MBNL2: variants seen among roughly 807,000 people sequenced by gnomAD.
MBNL2 encodes the protein muscleblind like splicing regulator 2, also known as muscleblind-like protein 2.
In MBNL2, 17 loss-of-function variants were observed where a neutral mutation model predicts 41.9. The observed-to-expected ratio is 0.41, with a 90% CI of 0.28 to 0.61. The LOEUF (loss-of-function observed/expected upper bound fraction) is 0.61. Among genes scored for constraint, MBNL2 ranks in the 20% least tolerant of loss-of-function variants. MBNL2 has a pLI of 0.35. For missense variants in MBNL2, 336 were observed against 505.6 expected (o/e 0.66, Z 3.22); for synonymous variants, 195 against 182.9 (o/e 1.07, Z -0.53).
At chr13:97,167,429 A>C in the MBNL2 span, among the ~76,000 whole-genome samples, 1 of 152,110 alleles carries the variant, frequency 6.6e-6, no homozygotes, top group South Asian at 2.1e-4. Flanking sequence ...AATAAATGAA[A>C]ACCAGAAAGT....
At chr13:97,190,424 C>G in the MBNL2 span, among the ~76,000 whole-genome samples, 3 of 152,228 alleles carry the variant, frequency 2.0e-5, no homozygotes, top group East Asian at 5.8e-4. Flanking sequence ...TGTTTTAACA[C>G]GTGAAGAACA....
At chr13:97,218,442 A>AACAAACAAAC (rs1555302267), upstream of MBNL2, among the ~76,000 whole-genome samples, 12 of 145,594 alleles carry the variant, frequency 8.2e-5, 1 homozygote, top group East Asian at 3.9e-4. Flanking sequence ...AAACAAAACA[A>AACAAACAAAC]AAAAAAAAAA....
chr13:97,232,851 ATGTGTGTGTGTGTGTGTGTGTG>A (rs34769353), intron 1 of MBNL2, among the ~76,000 whole-genome samples: 1 of 130,490 alleles, frequency 7.7e-6, no homozygotes, highest in South Asian at 2.7e-4. Flanking sequence ...TCTTGACGCT[ATGTGTGTGTGTGTGTGTGTGTG>A]TGTGTGTGTG....
At chr13:97,292,281 A>G (rs1334674175) in intron 2 of MBNL2, among the ~76,000 whole-genome samples, 1 of 150,450 alleles carries the variant, frequency 6.6e-6, no homozygotes, top group Non-Finnish European at 1.5e-5. Flanking sequence ...TCCTGGCCCC[A>G]TTTGCACTGC....
chr13:97,243,161 C>G (rs1279103434), intron 1 of MBNL2, among the ~76,000 whole-genome samples: 1 of 152,164 alleles, frequency 6.6e-6, no homozygotes, highest in Non-Finnish European at 1.5e-5. Context: ...GAGAGTTGAA[C>G]AAAAGACAAT....
At chr13:97,156,944 G>T in the MBNL2 span, among the ~76,000 whole-genome samples, 22 of 151,798 alleles carry the variant, frequency 1.4e-4, no homozygotes, top group African/African-American at 3.9e-4. Context: ...GTCATTGGTA[G>T]CTTGATGGGG....
At chr13:97,386,916 G>A (rs527895866) in intron 8 of MBNL2, among the ~76,000 whole-genome samples, 1 of 151,988 alleles carries the variant, frequency 6.6e-6, no homozygotes, top group South Asian at 2.1e-4. Flanking sequence ...CCACCCAGAG[G>A]GGCCACTGAA....
At chr13:97,353,298 T>A (rs2062671581) in intron 5 of MBNL2, among the ~76,000 whole-genome samples, 1 of 152,260 alleles carries the variant, frequency 6.6e-6, no homozygotes, top group Non-Finnish European at 1.5e-5. Context: ...GTGTTTTTAG[T>A]TGAAGTGAGA....
intron 1 of MBNL2, among the ~76,000 whole-genome samples, chr13:97,274,298 G>C (rs968311579): frequency 2.0e-5 from 3 of 152,088 alleles, no homozygotes; most frequent in Non-Finnish European, 4.4e-5. Context: ...AAACCAGCCT[G>C]GTCAACATGG....
intron 2 of MBNL2, among the ~76,000 whole-genome samples, chr13:97,286,678 C>G (rs1021804081): frequency 6.6e-6 from 1 of 152,228 alleles, no homozygotes; most frequent in Admixed American, 6.5e-5. Context: ...CCCAGCCCCC[C>G]ACACTGTGCT....
the MBNL2 span, among the ~76,000 whole-genome samples, chr13:97,155,397 T>A: frequency 3.3e-5 from 5 of 151,480 alleles, no homozygotes; most frequent in Admixed American, 2.0e-4. Context: ...TTTTTTTATT[T>A]TTTTTTTTAT....
At chr13:97,300,314 G>A (rs2057492246) in intron 2 of MBNL2, among the ~76,000 whole-genome samples, 1 of 152,176 alleles carries the variant, frequency 6.6e-6, no homozygotes, top group Admixed American at 6.5e-5. Flanking sequence ...AGTTTTGGTG[G>A]ACAGCTAACT....
At chr13:97,261,352 C>G (rs1163134025) in intron 1 of MBNL2, among the ~76,000 whole-genome samples, 1 of 152,136 alleles carries the variant, frequency 6.6e-6, no homozygotes, top group Non-Finnish European at 1.5e-5. Context: ...ATTGCAAGAT[C>G]ACAGATAAAA....
At chr13:97,369,523 A>G (rs775957868) in intron 8 of MBNL2, among the ~76,000 whole-genome samples, 6 of 152,240 alleles carry the variant, frequency 3.9e-5, no homozygotes, top group Non-Finnish European at 8.8e-5. Context: ...AACACAAAAT[A>G]TAGTGGGATT....
chr13:97,317,711 A>G (rs1416063837), intron 2 of MBNL2, among the ~76,000 whole-genome samples: 4 of 152,206 alleles, frequency 2.6e-5, no homozygotes, highest in Admixed American at 6.5e-5. Flanking sequence ...GCAGTGGCCT[A>G]CTTTGGTTAT....
At chr13:97,259,064 C>G (rs778842180) in intron 1 of MBNL2, among the ~76,000 whole-genome samples, 5 of 152,194 alleles carry the variant, frequency 3.3e-5, no homozygotes, top group Non-Finnish European at 7.3e-5. Context: ...CCTCTTGGAG[C>G]TTAGCCTTAA....
chr13:97,353,493 C>T lies in MBNL2; in HGVS notation c.805-3303C>T, dbSNP rs74106936. On this transcript the variant is annotated intron_variant, in intron 5 of 8. Coordinates refer to ENST00000679496, the MANE Select transcript of MBNL2 (RefSeq NM_001382683.1). ...CATTCGCCTGACTTCCATATAGAAA[C>T]CCCAAGCATTTCCAGGGTGAAATTT... Among the ~76,000 whole-genome samples the T allele has an allele frequency of 1.5e-3, 232 of 152,252 alleles. 1 individual carries two copies. Among genetic ancestry groups the T allele is most frequent in the African/African-American group, 5.2e-3 (216 of 41,546 alleles).
chr13:97,377,021 C>T lies in MBNL2; in HGVS notation c.1048+11850C>T, dbSNP rs531909148. ...GTGCTTTAACGGATCGTGTAAGGGGCCTTGAACTGCTCCAGGGCATACAGA... is the reference window on the plus strand; with the variant it reads ...GTGCTTTAACGGATCGTGTAAGGGGTCTTGAACTGCTCCAGGGCATACAGA... On this transcript the variant is annotated intron_variant, in intron 8 of 8. Transcript: ENST00000679496. Among the ~76,000 whole-genome samples the T allele has an allele frequency of 9.9e-5, 15 of 152,196 alleles. No individual in the cohort carries two copies. The East Asian group carries it at 2.7e-3, about 27-fold the overall frequency.
At chr13:97,328,368 A>C (rs1012956194) in intron 2 of MBNL2, among the ~76,000 whole-genome samples, 6 of 152,122 alleles carry the variant, frequency 3.9e-5, no homozygotes, top group Non-Finnish European at 8.8e-5. Context: ...TGGGGTCTAA[A>C]GCAGGCTCCA....
Sources: allele counts gnomAD v4.1 joint callset (sites outside exome capture counted in the v4.1 genomes callset), GRCh38; gene constraint gnomAD v4.1.1; transcripts MANE v1.5; gene names NCBI Gene and HGNC (gene_info 2026-07-23, HGNC 2026-07-21).